The following PARN variants were observed in gnomAD, a reference collection of about 807,000 sequenced individuals.
The protein encoded by PARN is poly(A)-specific ribonuclease.
PARN carries 71 observed loss-of-function variants against 102.8 expected under a neutral mutation model. The ratio of observed to expected loss-of-function variants is 0.69; its 90% CI spans 0.57 to 0.84. The LOEUF (loss-of-function observed/expected upper bound fraction) is 0.84. Among genes scored for constraint, PARN ranks in the 40% least tolerant of loss-of-function variants. The probability of loss-of-function intolerance (pLI) is 0.00; values close to 1 mark genes in which losing one functional copy is unlikely to be tolerated. For synonymous variants in PARN, 261 were observed against 252.9 expected (o/e 1.03, Z -0.30); for missense variants, 782 against 760.9 (o/e 1.03, Z -0.33).
intron 18 of PARN, among the ~76,000 whole-genome samples, chr16:14,556,887 T>C (rs1334876487): frequency 2.0e-4 from 30 of 152,176 alleles, no homozygotes; most frequent in Admixed American, 2.0e-3. Context: ...ACATCATTAT[T>C]ATCATTTAAA....
chr16:14,619,583 G>T (rs1185462474), intron 5 of PARN, among the ~76,000 whole-genome samples: 3 of 151,940 alleles, frequency 2.0e-5, no homozygotes, highest in African/African-American at 7.3e-5. Context: ...GTAACATAGG[G>T]AGACCCATCT....
chr16:14,522,108 CCT>C (rs930524536), intron 21 of PARN, among the ~76,000 whole-genome samples: 5 of 152,128 alleles, frequency 3.3e-5, no homozygotes, highest in African/African-American at 9.7e-5. Context: ...GAAGGTGGCC[CCT>C]GTTACTAAGC....
rs1179771709 is a variant in PARN at position 14,606,517 on chromosome 16, T to C, written c.669A>G (p.Lys223=). The change falls in exon 10 of 24, where the codon AAA becomes AAG. Residue 223 remains lysine (K), a synonymous_variant. Transcript: ENST00000437198. ...TTTCTAAAGTCTCAACATGAATGCC[T>C]TTCGGATACCTAAAGAAAAGAAAAA... ...IYQTLSWKYP[K]GIHVETLETE... The C allele has an allele frequency of 1.3e-6, 2 of 1,571,196 alleles. No homozygotes were observed. The highest frequency in any genetic ancestry group is 1.2e-5 in the South Asian group (1 of 86,806).
chr16:14,523,137 A>T (rs1468878656), intron 21 of PARN, among the ~76,000 whole-genome samples: 2 of 152,100 alleles, frequency 1.3e-5, no homozygotes, highest in Non-Finnish European at 2.9e-5. Context: ...AGGACAAAAA[A>T]ACCCCAAACA....
chr16:14,618,285 A>C (rs540664864), intron 5 of PARN, among the ~76,000 whole-genome samples: 21 of 152,220 alleles, frequency 1.4e-4, no homozygotes, highest in African/African-American at 4.1e-4. Flanking sequence ...CGGGAGATCA[A>C]GACCATCCTG....
At chr16:14,578,643 T>A (rs1202906236) in intron 18 of PARN, 1 of 149,610 alleles carries the variant, frequency 6.7e-6, no homozygotes, top group East Asian at 2.0e-4. Context: ...GCAACAAGAG[T>A]GAAACAACAT....
Position 14,604,168 on chromosome 16 carries a change from T to A in PARN, c.761A>T (p.Gln254Leu). ...TACCTGTTCTTTGGCATGTTTCTGC[T>A]GCTCTCTTCTTTTGCGTTCTTCTTC... ...VDEEERKRRE[Q>L]QKHAKEQEEL... Residue 254 changes from glutamine (Q) to leucine (L), a missense_variant, in exon 11 of 24, where the codon CAG becomes CTG. Coordinates refer to ENST00000437198, the MANE Select transcript of PARN (RefSeq NM_002582.4). 6.2e-7 allele frequency: 1 copy of A among 1,602,014 alleles called. No individual in the cohort carries two copies. The highest frequency in any genetic ancestry group is 8.5e-7 in the Non-Finnish European group (1 of 1,172,502).
intron 23 of PARN, among the ~76,000 whole-genome samples, chr16:14,438,077 C>A (rs1960782404): frequency 6.6e-6 from 1 of 152,098 alleles, no homozygotes; most frequent in African/African-American, 2.4e-5. Context: ...GATGGCGAGA[C>A]CACTCTGGAG....
intron 18 of PARN, among the ~76,000 whole-genome samples, chr16:14,561,425 A>C (rs1596675080): frequency 6.6e-6 from 1 of 152,208 alleles, no homozygotes; most frequent in Non-Finnish European, 1.5e-5. Flanking sequence ...CAGTATATTC[A>C]ATGTGGTGTT....
chr16:14,516,125 A>G (rs775107396), intron 21 of PARN, among the ~76,000 whole-genome samples: 3 of 152,022 alleles, frequency 2.0e-5, no homozygotes, highest in Non-Finnish European at 4.4e-5. Context: ...AAAAAACACA[A>G]CTTGCCTTAA....
intron 18 of PARN, among the ~76,000 whole-genome samples, chr16:14,579,664 A>C (rs1969381729): frequency 6.6e-6 from 1 of 152,206 alleles, no homozygotes. Flanking sequence ...TAAAAATGTA[A>C]GGGAACAATC....
Position 14,482,655 on chromosome 16 carries a change from G to C in PARN, c.1653C>G (p.His551Gln). The change falls in exon 22 of 24, where the codon CAC becomes CAG. Residue 551 changes from histidine (H) to glutamine (Q), a missense_variant. Physicochemically the swap from His to Gln is conservative, Grantham distance 24. Transcript: ENST00000437198. ...GCTCTTACCTATTGTTGCGGTAATA[G>C]TGATTCTGCAGGGTGTAGGGTATGC... ...PQCIPYTLQNHYYRNNSFTAP... is the reference protein window; with the variant it reads ...PQCIPYTLQNQYYRNNSFTAP... 1 of 1,605,718 alleles carries C rather than the reference G, an allele frequency of 6.2e-7. No homozygotes were observed. Among genetic ancestry groups the C allele is most frequent in the Non-Finnish European group, 8.5e-7 (1 of 1,177,110 alleles).
chr16:14,500,295 G>A (rs528971668), intron 21 of PARN, among the ~76,000 whole-genome samples: 8 of 152,230 alleles, frequency 5.3e-5, no homozygotes, highest in African/African-American at 1.9e-4. Flanking sequence ...TGGGCTTAAG[G>A]AATTCTCCTG....
intron 21 of PARN, among the ~76,000 whole-genome samples, chr16:14,528,866 A>G (rs1966159460): frequency 6.6e-6 from 1 of 152,192 alleles, no homozygotes; most frequent in African/African-American, 2.4e-5. Context: ...AATCACTTTA[A>G]TTACTAATGA....
At chr16:14,488,299 A>G (rs1426019643) in intron 21 of PARN, among the ~76,000 whole-genome samples, 3 of 152,244 alleles carry the variant, frequency 2.0e-5, no homozygotes, top group African/African-American at 7.2e-5. Context: ...AAAAGGAAAT[A>G]TAAGTGAGTA....
chr16:14,610,683 G>A lies in PARN; in HGVS notation c.515C>T (p.Thr172Met), dbSNP rs201180499. Reference protein sequence around the residue: ...VSPNTSKCPVTIPEDQKKFID... With the variant: ...VSPNTSKCPVMIPEDQKKFID... The stretch of plus-strand genomic sequence containing the variant: ...AAACTTCTTTTGATCCTCAGGAATC[G>A]TGACAGGACATTTTGAAGTGTTAGG... The change falls in exon 7 of 24, where the codon ACG becomes ATG. Residue 172 changes from threonine (T) to methionine (M), a missense_variant. Physicochemically the swap from Thr to Met is moderately conservative, Grantham distance 81 (BLOSUM62 -1). Coordinates refer to ENST00000437198, the MANE Select transcript of PARN (RefSeq NM_002582.4). 64 of 1,610,574 alleles carry A rather than the reference G, an allele frequency of 4.0e-5. No homozygotes were observed. The South Asian group carries it at 5.6e-4, about 14-fold the overall frequency.
chr16:14,527,338 C>A (rs554702189), intron 21 of PARN, among the ~76,000 whole-genome samples: 1 of 152,340 alleles, frequency 6.6e-6, no homozygotes, highest in South Asian at 2.1e-4. Context: ...CTTTCTTCAA[C>A]CCTTCTCTAT....
Position 14,436,448 on chromosome 16 carries a change from CA to C in PARN, c.*268del, listed in dbSNP as rs1178383582. 1 of 510,420 alleles carries C rather than the reference CA, an allele frequency of 2.0e-6. No homozygotes were observed. The highest frequency in any genetic ancestry group is 1.9e-5 in the African/African-American group (1 of 52,172). The allele number at this position is 510,420 out of a possible 1,614,324, so 31.6% of individuals were successfully genotyped here. ...CATGACAGGAAAGGCCTCACAAGAGCAACACGGAATTCACTGGTTAAGCACG... is the reference window on the plus strand; with the variant it reads ...CATGACAGGAAAGGCCTCACAAGAGCACACGGAATTCACTGGTTAAGCACG... On this transcript the variant is annotated 3_prime_UTR_variant, in exon 24 of 24. Transcript: ENST00000437198.
rs34012270 is a variant in PARN, at chr16:14,538,219, C to CT, written c.1480+13801dup. Among the ~76,000 whole-genome samples, 1,190 of 131,820 alleles carry CT rather than the reference C, an allele frequency of 9.0e-3. 8 individuals carry two copies. Among genetic ancestry groups the CT allele is most frequent in the South Asian group, 0.014 (56 of 4,044 alleles). 86.5% of individuals were successfully genotyped at this position (131,820 alleles called of 152,430 possible). On this transcript the variant is annotated intron_variant, in intron 21 of 23. Coordinates refer to ENST00000437198, the MANE Select transcript of PARN (RefSeq NM_002582.4). ...TCCTTGTATTTTCAAATATTTTTCA[C>CT]TTTTTTTTTTTTTTTTTTTGAGACA...
Sources: gnomAD v4.1 joint callset for allele counts (sites outside exome capture counted in the v4.1 genomes callset) on GRCh38, gnomAD v4.1.1 for gene constraint, MANE v1.5 for transcripts, NCBI Gene and HGNC (gene_info 2026-07-23, HGNC 2026-07-21) for gene names.